The following FAM135B variants were observed in gnomAD, a reference collection of about 807,000 sequenced individuals.
The protein encoded by FAM135B is protein FAM135B.
Under a neutral mutation model 127.7 loss-of-function variants are expected in FAM135B, and 43 were observed. That is an observed-to-expected ratio of 0.34 (90% CI 0.26 to 0.43). The LOEUF (loss-of-function observed/expected upper bound fraction) is 0.43, where lower values mean the gene tolerates loss of function less well. Among genes scored for constraint, FAM135B ranks in the 20% least tolerant of loss-of-function variants. FAM135B has a pLI of 1.00. For synonymous variants in FAM135B, 670 were observed against 665.1 expected, an observed-to-expected ratio of 1.01 and a Z score of -0.11; for missense variants, 1,558 against 1,725.6, an observed-to-expected ratio of 0.90 and a Z score of 1.72.
rs926239270 is a variant in FAM135B, at chr8:138,243,510, A to G, written c.543-442T>C. On this transcript the variant is annotated intron_variant, in intron 6 of 19. Coordinates refer to ENST00000395297, the MANE Select transcript of FAM135B (RefSeq NM_015912.4). This position sits in a 1 kb window ranked among gnomAD's most constrained non-coding sequence, Gnocchi z 7.5. Reference sequence around the variant, plus strand: ...TTTCTTCTGTGGAAAAGCATAAAACATCTTCCTCCATGATCCGCATGAGAG... The same window carrying G: ...TTTCTTCTGTGGAAAAGCATAAAACGTCTTCCTCCATGATCCGCATGAGAG... Among the ~76,000 whole-genome samples, 18 of 152,148 alleles carry G rather than the reference A, an allele frequency of 1.2e-4. No homozygotes were observed. Among genetic ancestry groups the G allele is most frequent in the African/African-American group, 3.6e-4 (15 of 41,438 alleles).
chr8:138,357,348 T>C (rs991237805), intron 2 of FAM135B, among the ~76,000 whole-genome samples: 1 of 152,164 alleles, frequency 6.6e-6, no homozygotes, highest in African/African-American at 2.4e-5. Context: ...GAATTCTGTG[T>C]AGTTATTAAT....
intron 1 of FAM135B, among the ~76,000 whole-genome samples, chr8:138,421,671 T>C (rs932924310): frequency 1.3e-5 from 2 of 152,194 alleles, no homozygotes; most frequent in Admixed American, 6.5e-5. Flanking sequence ...TCCATGCTTA[T>C]GGATAGGAAG....
intron 2 of FAM135B, 30 bp downstream of exon 2, chr8:138,367,877 A>G: frequency 1.3e-6 from 2 of 1,504,008 alleles, no homozygotes; most frequent in Non-Finnish European, 9.2e-7. Flanking sequence ...ACACACACAC[A>G]CACACACACA....
chr8:138,447,926 A>T (rs1037912555), intron 1 of FAM135B, among the ~76,000 whole-genome samples: 7 of 152,036 alleles, frequency 4.6e-5, no homozygotes, highest in Non-Finnish European at 8.8e-5. Flanking sequence ...CCTCTGTATC[A>T]TACGTGACCA....
At chr8:138,324,617 C>T (rs183365426) in intron 2 of FAM135B, among the ~76,000 whole-genome samples, 37 of 152,234 alleles carry the variant, frequency 2.4e-4, no homozygotes, top group African/African-American at 7.5e-4. Flanking sequence ...CTATGCTCAC[C>T]GCTCCTAGAT....
Position 138,132,987 on chromosome 8 carries a change from C to T in FAM135B, c.4016-189G>A, listed in dbSNP as rs1816327162. ...AAGTTCTCTTTTTCTAGTCAGATGA[C>T]AATAGCCAGAAGTCAGAAGGGGATT... On this transcript the variant is annotated intron_variant, in intron 19 of 19. Transcript: ENST00000395297. This position sits in a 1 kb window ranked among gnomAD's most constrained non-coding sequence, Gnocchi z 4.5. Among the ~76,000 whole-genome samples the T allele has an allele frequency of 6.6e-6, 1 of 152,112 alleles. No homozygotes were observed. Among genetic ancestry groups the T allele is most frequent in the Non-Finnish European group, 1.5e-5 (1 of 67,998 alleles).
intron 1 of FAM135B, among the ~76,000 whole-genome samples, chr8:138,454,566 C>T (rs541677201): frequency 2.9e-4 from 44 of 152,314 alleles, no homozygotes; most frequent in Non-Finnish European, 6.0e-4. Flanking sequence ...CAAGTAAGTG[C>T]AGAACCAGGG....
intron 7 of FAM135B, among the ~76,000 whole-genome samples, chr8:138,231,005 T>A (rs1370522931): frequency 6.6e-6 from 1 of 152,066 alleles, no homozygotes; most frequent in Non-Finnish European, 1.5e-5. Flanking sequence ...TTTATTATTT[T>A]ATTTTTATTT....
chr8:138,465,646 G>A (rs557177165), intron 1 of FAM135B, among the ~76,000 whole-genome samples: 66 of 152,274 alleles, frequency 4.3e-4, no homozygotes, highest in African/African-American at 1.5e-3. Flanking sequence ...AACTCCAGGA[G>A]CCCAGCCCTA....
intron 7 of FAM135B, among the ~76,000 whole-genome samples, chr8:138,220,733 G>A (rs928970723): frequency 3.3e-5 from 5 of 152,086 alleles, no homozygotes; most frequent in African/African-American, 7.2e-5. Flanking sequence ...CAACTATTTC[G>A]AGTCCTGTGT....
intron 7 of FAM135B, among the ~76,000 whole-genome samples, chr8:138,202,762 G>A (rs1563764484): frequency 7.0e-6 from 1 of 143,324 alleles, no homozygotes; most frequent in Non-Finnish European, 1.5e-5. Flanking sequence ...AGGAACTTTT[G>A]CTTACACGCT....
At chr8:138,273,697 C>A (rs530550834) in intron 3 of FAM135B, among the ~76,000 whole-genome samples, 38 of 152,206 alleles carry the variant, frequency 2.5e-4, no homozygotes, top group Non-Finnish European at 4.4e-4. Context: ...CACTGGGGAG[C>A]CAGATGATGC....
chr8:138,156,754 C>T (rs192504459), intron 12 of FAM135B, among the ~76,000 whole-genome samples: 149 of 152,214 alleles, frequency 9.8e-4, no homozygotes, highest in Admixed American at 1.9e-3. Context: ...CAGGAAGAAG[C>T]TGAATCTCTG....
intron 14 of FAM135B, 46 bp from the exon 15 acceptor site, chr8:138,146,096 A>T (rs767757239): frequency 1.0e-6 from 1 of 969,676 alleles, no homozygotes; most frequent in Non-Finnish European, 1.6e-6. Context: ...AGTTAGTCAT[A>T]TAAAAGGTTG....
At chr8:138,134,140 C>T (rs1816432577) in intron 19 of FAM135B, among the ~76,000 whole-genome samples, 1 of 149,864 alleles carries the variant, frequency 6.7e-6, no homozygotes, top group African/African-American at 2.5e-5. Context: ...GGGAGGTCAG[C>T]CAAATTCAGC....
chr8:138,239,408 T>G (rs574521172), intron 7 of FAM135B, among the ~76,000 whole-genome samples: 1 of 152,230 alleles, frequency 6.6e-6, no homozygotes, highest in Non-Finnish European at 1.5e-5. Flanking sequence ...GATGGGGTTG[T>G]TTTTTTCTTG....
intron 2 of FAM135B, among the ~76,000 whole-genome samples, chr8:138,344,259 G>C (rs1002751813): frequency 1.3e-5 from 2 of 152,232 alleles, no homozygotes; most frequent in Non-Finnish European, 2.9e-5. Flanking sequence ...GTTCAGTCCT[G>C]TGGGGCTGCC....
intron 1 of FAM135B, among the ~76,000 whole-genome samples, chr8:138,433,863 A>G (rs12541794): frequency 6.6e-6 from 1 of 152,184 alleles, no homozygotes; most frequent in Admixed American, 6.5e-5. Flanking sequence ...CAGGACAGAG[A>G]GGGTGAAGTC....
At chr8:138,350,062 T>A (rs536523507) in intron 2 of FAM135B, among the ~76,000 whole-genome samples, 4 of 152,300 alleles carry the variant, frequency 2.6e-5, no homozygotes, top group African/African-American at 9.6e-5. Flanking sequence ...ATGACCACCA[T>A]CGCTCAGATG....
Sources: gnomAD v4.1 joint callset for allele counts (sites outside exome capture counted in the v4.1 genomes callset) on GRCh38, gnomAD v4.1.1 for gene constraint, Gnocchi (gnomAD v3.1) non-coding constraint, MANE v1.5 for transcripts, NCBI Gene and HGNC (gene_info 2026-07-23, HGNC 2026-07-21) for gene names.